The following TVP23C variants were observed in gnomAD, a reference collection of about 807,000 sequenced individuals.
TVP23C encodes the protein trans-golgi network vesicle protein 23 homolog C.
A neutral mutation model predicts 28.7 loss-of-function variants in TVP23C; 19 were observed. The ratio of observed to expected loss-of-function variants is 0.66; its 90% confidence interval spans 0.46 to 0.97. The LOEUF (loss-of-function observed/expected upper bound fraction) is 0.97, where lower values mean the gene tolerates loss of function less well. Among genes scored for constraint, TVP23C ranks in the 50% least tolerant of loss-of-function variants. The pLI, the probability that TVP23C is intolerant of heterozygous loss-of-function variation, is 0.00. For missense variants in TVP23C, 186 were observed against 241.3 expected, an observed-to-expected ratio of 0.77 and a Z score of 1.52; for synonymous variants, 68 against 81.7, an observed-to-expected ratio of 0.83 and a Z score of 0.90.
Position 15,537,850 on chromosome 17 carries a change from T to G in TVP23C, c.*2562A>C, listed in dbSNP as rs578184478. 1 of 1,278,616 alleles carries G rather than the reference T, an allele frequency of 7.8e-7. No individual in the cohort carries two copies. The highest frequency in any genetic ancestry group is 9.9e-7 in the Non-Finnish European group (1 of 1,013,356). 79.2% of individuals were successfully genotyped at this position (1,278,616 alleles called of 1,614,324 possible). ...TCATTAACTTGGGATATACAGGTATTACATGGCCGTGTGCATACCTATGGA... is the reference window on the plus strand; with the variant it reads ...TCATTAACTTGGGATATACAGGTATGACATGGCCGTGTGCATACCTATGGA... On this transcript the variant is annotated 3_prime_UTR_variant, in exon 6 of 6. Coordinates refer to ENST00000518321, the MANE Select transcript of TVP23C (RefSeq NM_001135036.2).
intron 5 of TVP23C, among the ~76,000 whole-genome samples, chr17:15,516,918 G>A (rs1013486319): frequency 6.6e-6 from 1 of 152,168 alleles, no homozygotes; most frequent in Non-Finnish European, 1.5e-5. Context: ...GCATCCCACA[G>A]TGTGTGCTGT....
intron 5 of TVP23C, chr17:15,507,316 G>A: frequency 1.3e-6 from 1 of 761,566 alleles, no homozygotes. Flanking sequence ...GGCAAGACCA[G>A]CAAGAAGATC....
chr17:15,563,314 C>T (rs901546969), intron 1 of TVP23C, 123 bp downstream of exon 1: 22 of 1,496,278 alleles, frequency 1.5e-5, no homozygotes, highest in Admixed American at 4.1e-5. Flanking sequence ...CCTCCACTCC[C>T]GGCCGCCCCG....
At chr17:15,502,868 T>G (rs371509241) in exon 6 of TVP23C, 1 of 1,581,804 alleles carries the variant, frequency 6.3e-7, no homozygotes, top group Non-Finnish European at 8.6e-7. Flanking sequence ...TTGTTTTTAA[T>G]GCATTCCGGA....
intron 1 of TVP23C, 28 bp downstream of exon 1, chr17:15,563,409 C>T (rs1984494309): frequency 6.3e-7 from 1 of 1,586,472 alleles, no homozygotes; most frequent in Admixed American, 1.8e-5. Context: ...GGAGCCGCCA[C>T]CCTCCCAGCG....
At chr17:15,509,495 G>C (rs9911005) in intron 5 of TVP23C, among the ~76,000 whole-genome samples, 1 of 152,094 alleles carries the variant, frequency 6.6e-6, no homozygotes, top group Non-Finnish European at 1.5e-5. Flanking sequence ...GCACCTTTGC[G>C]AGTTTCTTGG....
At chr17:15,556,086 T>C (rs1427575862) in intron 1 of TVP23C, among the ~76,000 whole-genome samples, 4 of 151,910 alleles carry the variant, frequency 2.6e-5, no homozygotes, top group Admixed American at 2.6e-4. Context: ...CCAGCTAATT[T>C]TCATATTTTT....
At position 15,502,726 on chromosome 17, in the gene TVP23C, CTCTCTT is replaced by C. The variant is rs765485245; in HGVS notation, c.*132_*137del. The C allele has an allele frequency of 1.0e-3, 1,304 of 1,306,004 alleles. 8 individuals carry two copies. In the African/African-American group the frequency reaches 0.018, roughly 18 times the overall value. 80.9% of individuals were successfully genotyped at this position (1,306,004 alleles called of 1,614,324 possible). A position where few individuals can be genotyped will look rare whatever the true frequency, so the allele number is the denominator to read the frequency against. On this transcript the variant is annotated 3_prime_UTR_variant, in exon 6 of 6. Transcript: ENST00000225576. The stretch of plus-strand genomic sequence containing the variant: ...TTCGTTCTTTCTCTCTCTCCTCTCT[CTCTCTT>C]TCTCTCTCCTCTCTCCCGTCTCTTT...
intron 5 of TVP23C, among the ~76,000 whole-genome samples, chr17:15,524,202 A>T (rs1314664941): frequency 6.6e-6 from 1 of 152,000 alleles, no homozygotes; most frequent in African/African-American, 2.4e-5. Flanking sequence ...GAAAATTAGC[A>T]TGACCTTCCT....
intron 5 of TVP23C, among the ~76,000 whole-genome samples, chr17:15,531,272 T>G (rs1982940744): frequency 6.6e-6 from 1 of 152,200 alleles, no homozygotes; most frequent in Non-Finnish European, 1.5e-5. Flanking sequence ...TTGTAATGTG[T>G]TTAGTAATAG....
chr17:15,503,044 A>G (rs375535999), exon 6 of TVP23C: 4 of 1,613,988 alleles, frequency 2.5e-6, no homozygotes, highest in African/African-American at 2.7e-5. Context: ...GGCGGGGCGC[A>G]GGTTTCCAGT....
chr17:15,549,743 T>C (rs1418492678), intron 3 of TVP23C, among the ~76,000 whole-genome samples: 1 of 151,158 alleles, frequency 6.6e-6, no homozygotes, highest in Admixed American at 6.6e-5. Context: ...AGAAGACACA[T>C]GGAGAGGCCT....
intron 5 of TVP23C, among the ~76,000 whole-genome samples, chr17:15,524,879 G>A (rs2150838336): frequency 6.6e-6 from 1 of 152,338 alleles, no homozygotes; most frequent in East Asian, 1.9e-4. Flanking sequence ...AACAGACACA[G>A]TGCATGAGCA....
exon 6 of TVP23C, chr17:15,502,578 T>C (rs1981493641): frequency 2.7e-6 from 1 of 367,814 alleles, no homozygotes; most frequent in Non-Finnish European, 4.7e-6. Flanking sequence ...CGGGGCCGCA[T>C]GGCCCTGCCC....
chr17:15,534,610 C>A (rs574059154), downstream of TVP23C, among the ~76,000 whole-genome samples: 35 of 121,514 alleles, frequency 2.9e-4, no homozygotes, highest in East Asian at 7.2e-3. Flanking sequence ...CACACACACA[C>A]ACCCTTACCT....
At chr17:15,560,100 G>T (rs1345860802) in intron 1 of TVP23C, among the ~76,000 whole-genome samples, 1 of 148,898 alleles carries the variant, frequency 6.7e-6, no homozygotes, top group Non-Finnish European at 1.5e-5. Flanking sequence ...TCGCTCTGTC[G>T]CCAGGCTGGA....
At chr17:15,554,714 C>T (rs2150860229) in intron 2 of TVP23C, among the ~76,000 whole-genome samples, 1 of 152,240 alleles carries the variant, frequency 6.6e-6, no homozygotes, top group South Asian at 2.1e-4. Flanking sequence ...GCAGTCATTC[C>T]CCATTTACCT....
In TVP23C at chr17:15,538,642, T is replaced by C. The variant is rs1259013107; in HGVS notation, c.*1770A>G. ...GACATGCGCTAATGAAGTAAATCCATGGATACCATCATCCACCCAGCTGTC... is the reference window on the plus strand; with the variant it reads ...GACATGCGCTAATGAAGTAAATCCACGGATACCATCATCCACCCAGCTGTC... On this transcript the variant is annotated 3_prime_UTR_variant, in exon 6 of 6. Transcript: ENST00000518321. 2.0e-6 allele frequency: 2 copies of C among 985,244 alleles called. No homozygotes were observed. The highest frequency in any genetic ancestry group is 1.1e-4 in the East Asian group (1 of 8,814). The allele number at this position is 985,244 out of a possible 1,614,324, so 61.0% of individuals were successfully genotyped here.
intron 5 of TVP23C, among the ~76,000 whole-genome samples, chr17:15,542,569 T>C (rs1488290247): frequency 6.6e-6 from 1 of 152,186 alleles, no homozygotes; most frequent in Non-Finnish European, 1.5e-5. Context: ...CTCCGCCTCC[T>C]GGGTTCACTC....
Sources: allele counts gnomAD v4.1 joint callset (sites outside exome capture counted in the v4.1 genomes callset), GRCh38; gene constraint gnomAD v4.1.1; transcripts MANE v1.5; gene names NCBI Gene and HGNC (gene_info 2026-07-23, HGNC 2026-07-21).